CCDC126: variants seen among roughly 807,000 people sequenced by gnomAD.
The protein encoded by CCDC126 is coiled-coil domain-containing protein 126.
Under a neutral mutation model 11.7 loss-of-function variants are expected in CCDC126, and 5 were observed. The observed-to-expected ratio is 0.43, with a 90% CI of 0.22 to 0.90. CCDC126 has a LOEUF of 0.90. Among genes scored for constraint, CCDC126 ranks in the 40% least tolerant of loss-of-function variants. CCDC126 has a pLI of 0.27. For missense variants in CCDC126, 150 were observed against 163.1 expected (o/e 0.92, Z 0.44); for synonymous variants, 60 against 61.9 (o/e 0.97, Z 0.14).
At chr7:23,634,085 T>G (rs912126094) in intron 3 of CCDC126, among the ~76,000 whole-genome samples, 3 of 152,336 alleles carry the variant, frequency 2.0e-5, no homozygotes, top group East Asian at 1.9e-4. Context: ...GACCTGCCTC[T>G]CTACAAAATA....
At chr7:23,613,426 T>C (rs777917248) in intron 3 of CCDC126, among the ~76,000 whole-genome samples, 12 of 152,364 alleles carry the variant, frequency 7.9e-5, no homozygotes, top group Non-Finnish European at 1.8e-4. Flanking sequence ...TCCTGTTCTT[T>C]AGAGCCACCC....
chr7:23,626,601 A>G (rs1435864076), intron 3 of CCDC126, among the ~76,000 whole-genome samples: 1 of 152,146 alleles, frequency 6.6e-6, no homozygotes, highest in Non-Finnish European at 1.5e-5. Context: ...TTATTATATC[A>G]TCCAGGTACT....
chr7:23,599,972 A>G (rs2128013224), intron 2 of CCDC126, among the ~76,000 whole-genome samples: 1 of 152,078 alleles, frequency 6.6e-6, no homozygotes. Flanking sequence ...TTTAGTAGAG[A>G]TGGGGTTTCA....
At position 23,623,566 on chromosome 7, in the gene CCDC126, A is replaced by T. The variant is rs954266373; in HGVS notation, c.238+12013A>T. Among the ~76,000 whole-genome samples, 4 of 149,918 alleles carry T rather than the reference A, an allele frequency of 2.7e-5. No individual in the cohort carries two copies. In the South Asian group the frequency reaches 8.6e-4, roughly 32 times the overall value. On this transcript the variant is annotated intron_variant, in intron 3 of 3. Transcript: ENST00000307471. ...GGCCGAAGTTGTGCCACTGCATTCC[A>T]GCCTAGGTGACAGAGTGAGACTGTC...
intron 3 of CCDC126, among the ~76,000 whole-genome samples, chr7:23,636,147 G>C (rs1783206490): frequency 6.6e-6 from 1 of 152,214 alleles, no homozygotes; most frequent in Non-Finnish European, 1.5e-5. Context: ...ATTGCAGACG[G>C]AGTCTCGTTC....
chr7:23,638,512 A>C (rs1783285793), intron 3 of CCDC126, among the ~76,000 whole-genome samples: 1 of 117,828 alleles, frequency 8.5e-6, no homozygotes, highest in Non-Finnish European at 1.7e-5. Context: ...AGATGCTTGA[A>C]GGCAGCATGC....
At chr7:23,637,967 G>A (rs1162335359) in intron 3 of CCDC126, among the ~76,000 whole-genome samples, 63 of 124,972 alleles carry the variant, frequency 5.0e-4, no homozygotes, top group Non-Finnish European at 1.0e-3. Flanking sequence ...AGGGAGGTGG[G>A]GGGGTCAGCC....
At chr7:23,609,732 CA>C (rs1269016499) in intron 2 of CCDC126, among the ~76,000 whole-genome samples, 1 of 151,762 alleles carries the variant, frequency 6.6e-6, no homozygotes, top group East Asian at 1.9e-4. Context: ...TGTGGTGGTG[CA>C]TGCCTGTGGT....
intron 3 of CCDC126, among the ~76,000 whole-genome samples, chr7:23,630,189 G>A (rs1409313957): frequency 1.3e-5 from 2 of 152,150 alleles, no homozygotes; most frequent in Non-Finnish European, 2.9e-5. Flanking sequence ...AACAATAGTG[G>A]AATGCACATT....
chr7:23,622,349 T>C (rs868040462), intron 3 of CCDC126: 7 of 266,696 alleles, frequency 2.6e-5, no homozygotes, highest in South Asian at 1.5e-4. Context: ...TTCTTCTAGA[T>C]TTTCTAGTTT....
chr7:23,601,745 C>G (rs541897311), intron 2 of CCDC126: 1 of 152,112 alleles, frequency 6.6e-6, no homozygotes, highest in African/African-American at 2.4e-5. Flanking sequence ...GTCTCTGTCA[C>G]CCATAGCTCA....
rs1219003496 is a variant in CCDC126 at position 23,597,434 on chromosome 7, G to A, written c.-402G>A. The A allele has an allele frequency of 6.6e-6, 1 of 152,354 alleles. No individual in the cohort carries two copies. Among genetic ancestry groups the A allele is most frequent in the Non-Finnish European group, 1.5e-5 (1 of 68,152 alleles). 9.4% of individuals were successfully genotyped at this position (152,354 alleles called of 1,614,324 possible). On this transcript the variant is annotated 5_prime_UTR_variant, in exon 1 of 4. Coordinates refer to ENST00000307471, the MANE Select transcript of CCDC126 (RefSeq NM_138771.4). ...GACGAGCGGAGTAAAATCTCCACAA[G>A]CTGGGAACAAACCTCGTCCCAACTC...
At chr7:23,606,841 CA>C (rs774655351) in intron 2 of CCDC126, among the ~76,000 whole-genome samples, 4 of 151,856 alleles carry the variant, frequency 2.6e-5, no homozygotes, top group Admixed American at 6.6e-5. Context: ...AAGGCTGAGG[CA>C]GGAGGATCAC....
intron 3 of CCDC126, among the ~76,000 whole-genome samples, chr7:23,633,653 C>A (rs547648704): frequency 6.6e-6 from 1 of 152,032 alleles, no homozygotes; most frequent in Non-Finnish European, 1.5e-5. Context: ...CACTTAAGAT[C>A]GGGAGTTCGA....
intron 3 of CCDC126, among the ~76,000 whole-genome samples, chr7:23,638,417 T>C (rs10240396): frequency 0.83 from 50,975 of 61,416 alleles, 21,651 homozygotes; most frequent in African/African-American, 0.95. Flanking sequence ...TGACCTTATC[T>C]CCAACCCTGT....
chr7:23,604,827 T>C (rs1160066481), intron 2 of CCDC126, among the ~76,000 whole-genome samples: 1 of 151,734 alleles, frequency 6.6e-6, no homozygotes, highest in African/African-American at 2.4e-5. Flanking sequence ...AAACCCCGTC[T>C]CTACTAAAAA....
At chr7:23,599,069 G>T (rs1782483259) in intron 2 of CCDC126, among the ~76,000 whole-genome samples, 1 of 152,122 alleles carries the variant, frequency 6.6e-6, no homozygotes, top group African/African-American at 2.4e-5. Context: ...CTTGAAAGAA[G>T]GAATACATTT....
chr7:23,635,913 C>T (rs557995865), intron 3 of CCDC126, among the ~76,000 whole-genome samples: 4 of 152,300 alleles, frequency 2.6e-5, no homozygotes, highest in East Asian at 3.9e-4. Context: ...TCTCCTTCCA[C>T]GGTCTCCCTC....
chr7:23,623,798 C>T (rs554360646), intron 3 of CCDC126, among the ~76,000 whole-genome samples: 3 of 152,032 alleles, frequency 2.0e-5, no homozygotes, highest in African/African-American at 7.2e-5. Flanking sequence ...TTTAATTATT[C>T]CATATTGTAT....
Sources: allele counts gnomAD v4.1 joint callset (sites outside exome capture counted in the v4.1 genomes callset), GRCh38; gene constraint gnomAD v4.1.1; transcripts MANE v1.5; gene names NCBI Gene and HGNC (gene_info 2026-07-23, HGNC 2026-07-21).